GALNT18: variants seen among roughly 807,000 people sequenced by gnomAD.
GALNT18 encodes GalNAc-transferase 18.
Under a neutral mutation model 69.5 loss-of-function variants are expected in GALNT18, and 44 were observed. That is an observed-to-expected ratio of 0.63 (90% CI 0.50 to 0.81). The LOEUF is 0.81. Ranked by LOEUF, GALNT18 falls within the 40% of genes least tolerant of loss-of-function variation. GALNT18 has a pLI of 0.00. For missense variants in GALNT18, 715 were observed against 810.0 expected (o/e 0.88, Z 1.42); for synonymous variants, 364 against 318.2 (o/e 1.14, Z -1.53).
chr11:11,418,744 T>A (rs16909633), intron 3 of GALNT18, among the ~76,000 whole-genome samples: 4,038 of 152,310 alleles, frequency 0.027, 164 homozygotes, highest in African/African-American at 0.092. Context: ...GAATGCACTC[T>A]GTGAATGTCT....
At chr11:11,577,657 C>T (rs1161556148) in intron 1 of GALNT18, among the ~76,000 whole-genome samples, 1 of 152,154 alleles carries the variant, frequency 6.6e-6, no homozygotes, top group Non-Finnish European at 1.5e-5. Context: ...CACCCCAAAT[C>T]GATTCAGAAG....
chr11:11,307,165 C>G (rs1301025563), intron 9 of GALNT18, among the ~76,000 whole-genome samples: 1 of 87,538 alleles, frequency 1.1e-5, no homozygotes, highest in South Asian at 2.6e-4. Context: ...ATTGCCTGCT[C>G]TCAGGAAAAA....
At chr11:11,467,343 G>A (rs528487146) in intron 1 of GALNT18, among the ~76,000 whole-genome samples, 3 of 152,316 alleles carry the variant, frequency 2.0e-5, no homozygotes, top group East Asian at 1.9e-4. Context: ...CACTGGTTCC[G>A]CTGCAGCTGC....
intron 9 of GALNT18, among the ~76,000 whole-genome samples, chr11:11,297,732 C>T (rs562509482): frequency 3.3e-5 from 5 of 152,308 alleles, no homozygotes; most frequent in African/African-American, 7.2e-5. Flanking sequence ...TGCCTGTGGA[C>T]GTCTTACAAA....
chr11:11,563,553 GCAAA>G lies in GALNT18; in HGVS notation c.235+57802_235+57805del, dbSNP rs1288911012. 6.6e-6 allele frequency among the ~76,000 whole-genome samples: 1 copy of G among 152,296 alleles called. No individual in the cohort carries two copies. The highest frequency in any genetic ancestry group is 2.4e-5 in the African/African-American group (1 of 41,564). ...CTGACATTCACAGTGTCTTCTAGGT[GCAAA>G]CAGAGGGCTGTATCATCTCATCTGA... On this transcript the variant is annotated intron_variant, in intron 1 of 10. Transcript: ENST00000227756. This position sits in a 1 kb window ranked among gnomAD's most constrained non-coding sequence, Gnocchi z 4.6.
chr11:11,280,574 G>A (rs1446874567), intron 10 of GALNT18, among the ~76,000 whole-genome samples: 1 of 152,140 alleles, frequency 6.6e-6, no homozygotes, highest in Non-Finnish European at 1.5e-5. Context: ...GAGAGGTGAG[G>A]CCTGCGTCTC....
At chr11:11,561,318 C>G (rs1437845907) in intron 1 of GALNT18, among the ~76,000 whole-genome samples, 2 of 151,446 alleles carry the variant, frequency 1.3e-5, no homozygotes, top group Non-Finnish European at 2.9e-5. Context: ...AATCCATATT[C>G]CAGAACAGAA....
chr11:11,339,337 T>C lies in GALNT18; in HGVS notation c.1278+1482A>G, dbSNP rs1039164778. On this transcript the variant is annotated intron_variant, in intron 7 of 10. Coordinates refer to ENST00000227756, the MANE Select transcript of GALNT18 (RefSeq NM_198516.3). This position sits in a 1 kb window ranked among gnomAD's most constrained non-coding sequence, Gnocchi z 5.2. ...TTTTCACTCACTCAGTTCTCTACCATTCATTGGGTTGCTGGGCATTTCAAC... is the reference window on the plus strand; with the variant it reads ...TTTTCACTCACTCAGTTCTCTACCACTCATTGGGTTGCTGGGCATTTCAAC... Among the ~76,000 whole-genome samples, 2 of 152,116 alleles carry C rather than the reference T, an allele frequency of 1.3e-5. No individual in the cohort carries two copies. Among genetic ancestry groups the C allele is most frequent in the Non-Finnish European group, 2.9e-5 (2 of 68,022 alleles).
chr11:11,353,542 C>T (rs770503349), intron 6 of GALNT18, among the ~76,000 whole-genome samples: 2 of 152,202 alleles, frequency 1.3e-5, no homozygotes, highest in Admixed American at 6.5e-5. Flanking sequence ...TGAAGATGAA[C>T]CACTTACTCA....
At chr11:11,565,154 C>T (rs931276443) in intron 1 of GALNT18, among the ~76,000 whole-genome samples, 2 of 152,196 alleles carry the variant, frequency 1.3e-5, no homozygotes, top group African/African-American at 4.8e-5. Flanking sequence ...TGTTTGCCTC[C>T]ACTGCCTCAT....
chr11:11,585,369 T>TC (rs1859188579), intron 1 of GALNT18, among the ~76,000 whole-genome samples: 2 of 152,150 alleles, frequency 1.3e-5, no homozygotes, highest in South Asian at 2.1e-4. Context: ...TTTTTTTTTT[T>TC]TCCGAGATGG....
chr11:11,371,949 A>T (rs1024207273), intron 6 of GALNT18, among the ~76,000 whole-genome samples: 3 of 152,216 alleles, frequency 2.0e-5, no homozygotes, highest in African/African-American at 7.2e-5. Flanking sequence ...ACTTTGAGGC[A>T]GGAGAATGGC....
chr11:11,501,805 T>C (rs56053824), intron 1 of GALNT18, among the ~76,000 whole-genome samples: 2 of 152,224 alleles, frequency 1.3e-5, no homozygotes, highest in Admixed American at 6.5e-5. Context: ...AGACTCCAAG[T>C]TGCGAAGATG....
intron 10 of GALNT18, among the ~76,000 whole-genome samples, chr11:11,282,916 A>G (rs1849112849): frequency 6.9e-6 from 1 of 145,564 alleles, no homozygotes; most frequent in Non-Finnish European, 1.5e-5. Context: ...GTATACAAAA[A>G]TGTAGACAAG....
chr11:11,339,868 T>C lies in GALNT18; in HGVS notation c.1278+951A>G, dbSNP rs1281139059. 6.6e-6 allele frequency among the ~76,000 whole-genome samples: 1 copy of C among 152,142 alleles called. No individual in the cohort carries two copies. On this transcript the variant is annotated intron_variant, in intron 7 of 10. Transcript: ENST00000227756. The surrounding 1 kb of genome is among the most constrained non-coding windows in gnomAD (Gnocchi z 5.2). The stretch of plus-strand genomic sequence containing the variant: ...TTTAACCAGAGCAACATTAGCTTGG[T>C]GTAGAGTTTAGGTAACAGGGCTTTC...
At chr11:11,589,855 T>C (rs1399577769) in intron 1 of GALNT18, among the ~76,000 whole-genome samples, 1 of 152,176 alleles carries the variant, frequency 6.6e-6, no homozygotes, top group African/African-American at 2.4e-5. Flanking sequence ...TCACATGTTT[T>C]ATAGAATTGT....
intron 3 of GALNT18, among the ~76,000 whole-genome samples, chr11:11,403,033 G>C (rs368486198): frequency 6.6e-6 from 1 of 152,216 alleles, no homozygotes; most frequent in African/African-American, 2.4e-5. Flanking sequence ...CAGAAGGAAT[G>C]ACGCTCCAGC....
At chr11:11,369,557 G>A (rs1232419978) in intron 6 of GALNT18, among the ~76,000 whole-genome samples, 1 of 152,148 alleles carries the variant, frequency 6.6e-6, no homozygotes, top group African/African-American at 2.4e-5. Flanking sequence ...GGTTTCAAAT[G>A]AGATCACATT....
At position 11,621,605 on chromosome 11, in the gene GALNT18, T is replaced by G; in HGVS notation, c.-12A>C. ...CTGGTGCACACCATTCTGGGCTCCTTCCTCCATATAGAGCTCCCGGGGGCC... is the reference window on the plus strand; with the variant it reads ...CTGGTGCACACCATTCTGGGCTCCTGCCTCCATATAGAGCTCCCGGGGGCC... On this transcript the variant is annotated 5_prime_UTR_variant, in exon 1 of 11. Coordinates refer to ENST00000227756, the MANE Select transcript of GALNT18 (RefSeq NM_198516.3). The surrounding 1 kb of genome is among the most constrained non-coding windows in gnomAD (Gnocchi z 9.3). The G allele has an allele frequency of 6.4e-7, 1 of 1,566,242 alleles. No individual in the cohort carries two copies. The highest frequency in any genetic ancestry group is 1.2e-5 in the South Asian group (1 of 86,738).
Sources: gnomAD v4.1 joint callset for allele counts (sites outside exome capture counted in the v4.1 genomes callset) on GRCh38, gnomAD v4.1.1 for gene constraint, Gnocchi (gnomAD v3.1) non-coding constraint, MANE v1.5 for transcripts, NCBI Gene and HGNC (gene_info 2026-07-23, HGNC 2026-07-21) for gene names.